Variants in RINL observed in about 807,000 individuals in gnomAD.
RINL encodes Ras and Rab interactor like.
In RINL, 39 loss-of-function variants were observed where a neutral mutation model predicts 58.1. The ratio of observed to expected loss-of-function variants is 0.67; its 90% CI spans 0.52 to 0.88. The LOEUF (loss-of-function observed/expected upper bound fraction) is 0.88, where lower values mean the gene tolerates loss of function less well. Ranked by LOEUF, RINL falls within the 40% of genes least tolerant of loss-of-function variation. The probability of loss-of-function intolerance (pLI) is 0.00; values close to 1 mark genes in which losing one functional copy is unlikely to be tolerated. For synonymous variants in RINL, 286 were observed against 323.1 expected (o/e 0.89, Z 1.23); for missense variants, 711 against 749.2 (o/e 0.95, Z 0.60).
chr19:38,878,096 A>T (rs974668047), intron 1 of RINL, 136 bp downstream of exon 1: 3 of 152,500 alleles, frequency 2.0e-5, no homozygotes, highest in Admixed American at 2.0e-4. Flanking sequence ...AGGGAAGCAG[A>T]TGCCTGCTTG....
At chr19:38,875,539 T>C (rs980526678) in intron 3 of RINL, among the ~76,000 whole-genome samples, 1 of 150,828 alleles carries the variant, frequency 6.6e-6, no homozygotes, top group African/African-American at 2.4e-5. Flanking sequence ...TAGCCGGGCG[T>C]TGTGGCAGAT....
At chr19:38,872,147 A>G (rs903345376) in intron 4 of RINL, among the ~76,000 whole-genome samples, 9 of 152,178 alleles carry the variant, frequency 5.9e-5, no homozygotes, top group Non-Finnish European at 1.3e-4. Context: ...GCCTTCCTGT[A>G]GCTTACCTTT....
rs149631177 is a variant in RINL, at chr19:38,871,086, T to G, written c.593A>C (p.His198Pro). 3.1e-6 allele frequency: 5 copies of G among 1,600,224 alleles called. No individual in the cohort carries two copies. The highest frequency in any genetic ancestry group is 1.7e-4 in the Middle Eastern group (1 of 5,970). Reference protein sequence around the residue: ...QETEPEAAQRHDPAPRNPAPH... With the variant: ...QETEPEAAQRPDPAPRNPAPH... ...GGCCCCGCCCAGCTAACCTGGATCA[T>G]GTCTCTGAGCAGCCTCTGGCTCTGT... Residue 198 changes from histidine (H) to proline (P), a missense_variant, in exon 7 of 12, where the codon CAT becomes CCT. His to Pro is a moderately conservative substitution (Grantham distance 77, BLOSUM62 -2). Transcript: ENST00000591812.
In RINL at chr19:38,871,126, G is replaced by A. The variant is rs1568386749; in HGVS notation, c.553C>T (p.Gln185Ter). The A allele has an allele frequency of 6.2e-7, 1 of 1,613,096 alleles. No individual in the cohort carries two copies. Among genetic ancestry groups the A allele is most frequent in the Non-Finnish European group, 8.5e-7 (1 of 1,179,512 alleles). Residue 185 changes from glutamine to a stop codon, truncating the protein, a stop_gained, in exon 7 of 12, where the codon CAG becomes TAG. Coordinates refer to ENST00000591812, the MANE Select transcript of RINL (RefSeq NM_001195833.2). LOFTEE classifies it high-confidence loss of function. ...TCTGGCTCTGTTTCTTGAGGGGTCT[G>A]CTCCCTCCCCCAGCCTCTGTGGGTC... ...LETHRGWGRE[Q>*]TPQETEPEAA...
Position 38,869,463 on chromosome 19 carries a change from C to G in RINL, c.1475-53G>C, listed in dbSNP as rs1007660622. On this transcript the variant is annotated intron_variant, in intron 10 of 11. Coordinates refer to ENST00000591812, the MANE Select transcript of RINL (RefSeq NM_001195833.2). The surrounding 1 kb of genome is among the most constrained non-coding windows in gnomAD (Gnocchi z 5.7). ...GCCCTCTCGGCTTCCCTGGTCGCCC[C>G]AAATCCCCCTGCAGTTTGCCTGCCG... 10 of 1,577,608 alleles carry G rather than the reference C, an allele frequency of 6.3e-6. No homozygotes were observed. The highest frequency in any genetic ancestry group is 1.2e-5 in the South Asian group (1 of 86,330).
rs367884896 is a variant in RINL, at chr19:38,871,804, G to A, written c.380C>T (p.Ala127Val). The A allele has an allele frequency of 6.8e-6, 11 of 1,614,086 alleles. No individual in the cohort carries two copies. Among genetic ancestry groups the A allele is most frequent in the Non-Finnish European group, 8.5e-7 (1 of 1,179,930 alleles). ...TCAGATGGGTGACCTGTACCTGCTG[G>A]CTGATAGAAAGGCCAGGAGATGGGG... Reference protein sequence around the residue: ...DLPHLLAFLSASRDVLPRTLL... With the variant: ...DLPHLLAFLSVSRDVLPRTLL... The change falls in exon 5 of 12, where the codon GCC becomes GTC. Residue 127 changes from alanine to valine, a missense_variant. Coordinates refer to ENST00000591812, the MANE Select transcript of RINL (RefSeq NM_001195833.2).
At position 38,871,742 on chromosome 19, in the gene RINL, C is replaced by T. The variant is rs140465437; in HGVS notation, c.387-31G>A. The stretch of plus-strand genomic sequence containing the variant: ...AATAAAGAGGTGGGAGCCACAGTGT[C>T]AGTGGGGTGTCTTAGGGAAGGGTCC... On this transcript the variant is annotated intron_variant, in intron 5 of 11. Transcript: ENST00000591812. 1,037 of 1,613,962 alleles carry T rather than the reference C, an allele frequency of 6.4e-4. 5 individuals carry two copies. In the African/African-American group the frequency reaches 0.012, roughly 19 times the overall value.
rs747104373 is a variant in RINL, at chr19:38,874,008, G to T, written c.211-20C>A. ...GAAACTCTGGGGGATAGAGACAAAG[G>T]CCAGCGTGACAAAGGTGTGCGCAGA... On this transcript the variant is annotated intron_variant, in intron 3 of 11. Transcript: ENST00000591812. 8 of 1,441,750 alleles carry T rather than the reference G, an allele frequency of 5.5e-6. No homozygotes were observed. Among genetic ancestry groups the T allele is most frequent in the Non-Finnish European group, 7.5e-6 (8 of 1,061,318 alleles). The allele number at this position is 1,441,750 out of a possible 1,614,324, so 89.3% of individuals were successfully genotyped here.
Position 38,869,366 on chromosome 19 carries a change from C to T in RINL, c.1519G>A (p.Ala507Thr), listed in dbSNP as rs1173818428. ...CGGTCTGTTTCGGGCTGGTAGTGGG[C>T]AATGTGGTGCAGCGCCCCAAACCAC... ...TTWFGALHHI[A>T]HYQPETDRAP... The change falls in exon 11 of 12, where the codon GCC (alanine) becomes ACC (threonine). Residue 507 changes from alanine (A) to threonine (T), a missense_variant. Ala to Thr is a moderately conservative substitution (Grantham distance 58). Coordinates refer to ENST00000591812, the MANE Select transcript of RINL (RefSeq NM_001195833.2). This position sits in a 1 kb window ranked among gnomAD's most constrained non-coding sequence, Gnocchi z 5.7. The T allele has an allele frequency of 6.2e-7, 1 of 1,612,198 alleles. No individual in the cohort carries two copies. Among genetic ancestry groups the T allele is most frequent in the Non-Finnish European group, 8.5e-7 (1 of 1,178,834 alleles).
chr19:38,871,066 C>G lies in RINL; in HGVS notation c.601+12G>C. ...CCTCCCCTTCAGAGGCCCAGGGCCCCGCCCAGCTAACCTGGATCATGTCTC... is the reference window on the plus strand; with the variant it reads ...CCTCCCCTTCAGAGGCCCAGGGCCCGGCCCAGCTAACCTGGATCATGTCTC... On this transcript the variant is annotated intron_variant, in intron 7 of 11. Coordinates refer to ENST00000591812, the MANE Select transcript of RINL (RefSeq NM_001195833.2). 1.9e-6 allele frequency: 3 copies of G among 1,586,708 alleles called. No homozygotes were observed. The highest frequency in any genetic ancestry group is 2.6e-6 in the Non-Finnish European group (3 of 1,167,392).
intron 1 of RINL, among the ~76,000 whole-genome samples, chr19:38,877,839 G>A (rs1345573409): frequency 1.3e-5 from 2 of 151,272 alleles, no homozygotes; most frequent in African/African-American, 4.9e-5. Flanking sequence ...AGTATTTACT[G>A]AATACAGGCT....
Position 38,869,860 on chromosome 19 carries a change from C to T in RINL, c.1342+83G>A. 6.6e-7 allele frequency: 1 copy of T among 1,524,094 alleles called. No homozygotes were observed. The highest frequency in any genetic ancestry group is 1.2e-5 in the South Asian group (1 of 83,106). The allele number at this position is 1,524,094 out of a possible 1,614,324, so 94.4% of individuals were successfully genotyped here. A position where few individuals can be genotyped will look rare whatever the true frequency, so the allele number is the denominator to read the frequency against. ...CAGAATCTTCAGGACCGCATAGATT[C>T]CTCCCACCAGTGCTACCCTCTCCCG... On this transcript the variant is annotated intron_variant, in intron 9 of 11. Coordinates refer to ENST00000591812, the MANE Select transcript of RINL (RefSeq NM_001195833.2). This position sits in a 1 kb window ranked among gnomAD's most constrained non-coding sequence, Gnocchi z 5.7.
chr19:38,877,548 T>C (rs1310500379), intron 1 of RINL, among the ~76,000 whole-genome samples: 1 of 152,084 alleles, frequency 6.6e-6, no homozygotes, highest in Non-Finnish European at 1.5e-5. Context: ...ATTTCAGACA[T>C]AGAGAAAAGC....
chr19:38,878,157 C>G (rs1019256265), intron 1 of RINL, 75 bp downstream of exon 1: 1 of 151,638 alleles, frequency 6.6e-6, no homozygotes, highest in African/African-American at 2.4e-5. Flanking sequence ...AGGGGTGGGT[C>G]AGGGCAGCTG....
chr19:38,876,664 G>C (rs1386443424), intron 2 of RINL, 29 bp downstream of exon 2: 34 of 1,530,108 alleles, frequency 2.2e-5, no homozygotes, highest in Non-Finnish European at 2.6e-6. Context: ...AGGGGAAGGA[G>C]GGCATAGCCT....
In RINL at chr19:38,870,245, G is replaced by T; in HGVS notation, c.1040C>A (p.Thr347Lys). The change falls in exon 9 of 12, where the codon ACG becomes AAG. Residue 347 changes from threonine (T) to lysine (K), a missense_variant. Coordinates refer to ENST00000591812, the MANE Select transcript of RINL (RefSeq NM_001195833.2). This position sits in a 1 kb window ranked among gnomAD's most constrained non-coding sequence, Gnocchi z 5.8. Reference protein sequence around the residue: ...KDEDPGPALETAVCQAVLAPL... With the variant: ...KDEDPGPALEKAVCQAVLAPL... ...CGCCAGCACCGCCTGGCACACCGCC[G>T]TCTCCAGCGCGGGGCCTGCGGGGTG... The T allele has an allele frequency of 7.2e-7, 1 of 1,382,936 alleles. No homozygotes were observed. 85.7% of individuals were successfully genotyped at this position (1,382,936 alleles called of 1,614,324 possible). A position where few individuals can be genotyped will look rare whatever the true frequency, so the allele number is the denominator to read the frequency against.
At chr19:38,873,653 G>A in intron 4 of RINL, 1 of 383,352 alleles carries the variant, frequency 2.6e-6, no homozygotes. Context: ...GGCCTGCCAA[G>A]TAGCTGGGAT....
At chr19:38,876,139 C>T (rs28391081) in intron 3 of RINL, among the ~76,000 whole-genome samples, 192 bp downstream of exon 3, 7,377 of 151,542 alleles carry the variant, frequency 0.049, 522 homozygotes, top group African/African-American at 0.16. Flanking sequence ...AGCTCACTGC[C>T]GCCTTGACCT....
intron 6 of RINL, 105 bp downstream of exon 6, chr19:38,871,542 T>C: frequency 9.4e-7 from 1 of 1,068,874 alleles, no homozygotes; most frequent in Non-Finnish European, 1.4e-6. Flanking sequence ...TCCAGTTCTA[T>C]ATTCTCCTCA....
Sources: allele counts gnomAD v4.1 joint callset (sites outside exome capture counted in the v4.1 genomes callset), GRCh38; gene constraint gnomAD v4.1.1; non-coding constraint Gnocchi (gnomAD v3.1); transcripts MANE v1.5; gene names NCBI Gene and HGNC (gene_info 2026-07-23, HGNC 2026-07-21).